NAXD: variants seen among roughly 807,000 people sequenced by gnomAD.
NAXD encodes the protein ATP-dependent (S)-NAD(P)H-hydrate dehydratase.
Under a neutral mutation model 35.8 loss-of-function variants are expected in NAXD, and 22 were observed. The ratio of observed to expected loss-of-function variants is 0.62; its 90% confidence interval spans 0.44 to 0.88. The LOEUF is 0.88. Ranked by LOEUF, NAXD falls within the 40% of genes least tolerant of loss-of-function variation. The pLI, the probability that NAXD is intolerant of heterozygous loss-of-function variation, is 0.00. For synonymous variants in NAXD, 189 were observed against 177.6 expected (o/e 1.06, Z -0.51); for missense variants, 428 against 437.7 (o/e 0.98, Z 0.20).
At position 110,627,563 on chromosome 13, in the gene NAXD, A is replaced by C; in HGVS notation, c.441+16A>C. 1.3e-6 allele frequency: 2 copies of C among 1,547,708 alleles called. No individual in the cohort carries two copies. The highest frequency in any genetic ancestry group is 8.9e-7 in the Non-Finnish European group (1 of 1,120,128). Reference sequence around the variant, plus strand: ...AAATGTCCAGGTAATGTGTATACTCACTCACTTCCCTCATGACAGGCTTAG... The same window carrying C: ...AAATGTCCAGGTAATGTGTATACTCCCTCACTTCCCTCATGACAGGCTTAG... On this transcript the variant is annotated intron_variant, in intron 5 of 9. Coordinates refer to ENST00000680254, the MANE Select transcript of NAXD (RefSeq NM_001242882.2).
intron 3 of NAXD, 100 bp downstream of exon 3, chr13:110,624,379 A>G: frequency 2.5e-6 from 2 of 789,004 alleles, no homozygotes; most frequent in Non-Finnish European, 2.2e-6. Flanking sequence ...AATCTAAATA[A>G]TATCTTAGGG....
intron 4 of NAXD, 34 bp from the exon 5 acceptor site, chr13:110,627,404 TG>T (rs1358983915): frequency 2.2e-6 from 3 of 1,388,442 alleles, no homozygotes; most frequent in Non-Finnish European, 3.1e-6. Context: ...TGAGGAATTG[TG>T]GGTAACCATC....
rs370194200 is a variant in NAXD at position 110,637,111 on chromosome 13, C to T, written c.719-18C>T. 87 of 1,590,640 alleles carry T rather than the reference C, an allele frequency of 5.5e-5. No individual in the cohort carries two copies. The highest frequency in any genetic ancestry group is 7.3e-5 in the Non-Finnish European group (86 of 1,171,690). On this transcript the variant is annotated intron_variant, in intron 8 of 9. Coordinates refer to ENST00000680254, the MANE Select transcript of NAXD (RefSeq NM_001242882.2). Reference sequence around the variant, plus strand: ...ACATGGCCATGCTGACACCTGCTCTCACTTCTGCCCTGTGCAGTGCTTGTG... The same window carrying T: ...ACATGGCCATGCTGACACCTGCTCTTACTTCTGCCCTGTGCAGTGCTTGTG...
chr13:110,634,656 T>C lies in NAXD; in HGVS notation c.493-16T>C. 5 of 1,613,858 alleles carry C rather than the reference T, an allele frequency of 3.1e-6. No homozygotes were observed. The highest frequency in any genetic ancestry group is 1.1e-5 in the South Asian group (1 of 91,076). On this transcript the variant is annotated splice_polypyrimidine_tract_variant and intron_variant, in intron 6 of 9. Coordinates refer to ENST00000680254, the MANE Select transcript of NAXD (RefSeq NM_001242882.2). ...GGAAGGCCTGTGCAGTGAGCACGGC[T>C]CCTTGTTCTGTGCAGGATGGCCTGT...
intron 5 of NAXD, among the ~76,000 whole-genome samples, chr13:110,629,442 C>T (rs1886624688): frequency 1.3e-5 from 2 of 152,214 alleles, no homozygotes; most frequent in South Asian, 4.1e-4. Flanking sequence ...AGAAGCAGCC[C>T]ATCCCCGTTA....
chr13:110,633,084 G>C (rs530537624), intron 5 of NAXD, among the ~76,000 whole-genome samples: 2 of 152,140 alleles, frequency 1.3e-5, no homozygotes, highest in African/African-American at 4.8e-5. Flanking sequence ...GCAGGGGGTG[G>C]TGCTCGTCGG....
In NAXD at chr13:110,628,075, T is replaced by C. The variant is rs1886562819; in HGVS notation, c.441+528T>C. Among the ~76,000 whole-genome samples the C allele has an allele frequency of 6.6e-6, 1 of 152,258 alleles. No homozygotes were observed. The highest frequency in any genetic ancestry group is 6.5e-5 in the Admixed American group (1 of 15,286). ...TATTTCTTTCTTAAAGTTCATCTTA[T>C]GCCCACCTAAATCCAAAAGATGAAA... On this transcript the variant is annotated intron_variant, in intron 5 of 9. Transcript: ENST00000680254. The surrounding 1 kb of genome is among the most constrained non-coding windows in gnomAD (Gnocchi z 4.1).
At chr13:110,633,288 T>C (rs1414673546) in intron 5 of NAXD, among the ~76,000 whole-genome samples, 1 of 152,142 alleles carries the variant, frequency 6.6e-6, no homozygotes, top group East Asian at 1.9e-4. Context: ...AAGTCCCTCA[T>C]TGCCCCGGGC....
At chr13:110,637,500 C>T (rs955620108) in intron 9 of NAXD, among the ~76,000 whole-genome samples, 2 of 152,098 alleles carry the variant, frequency 1.3e-5, no homozygotes, top group African/African-American at 4.8e-5. Flanking sequence ...CAGAGAGTTC[C>T]GAGGTGCAAC....
At chr13:110,626,082 C>T (rs1886470218) in intron 4 of NAXD, among the ~76,000 whole-genome samples, 1 of 152,076 alleles carries the variant, frequency 6.6e-6, no homozygotes, top group Non-Finnish European at 1.5e-5. Flanking sequence ...CCAAGAGGTG[C>T]AGGGCTGGGC....
At chr13:110,629,918 A>G (rs537908252) in intron 5 of NAXD, among the ~76,000 whole-genome samples, 2 of 152,232 alleles carry the variant, frequency 1.3e-5, no homozygotes, top group South Asian at 2.1e-4. Context: ...CAGCCACTCT[A>G]GTGGGCGTGG....
At chr13:110,615,761 G>T in intron 1 of NAXD, 114 bp downstream of exon 1, 1 of 1,422,882 alleles carries the variant, frequency 7.0e-7, no homozygotes. Context: ...TGTACGGGCC[G>T]CCACTGGACG....
intron 1 of NAXD, among the ~76,000 whole-genome samples, 163 bp from the exon 2 acceptor site, chr13:110,622,053 G>A (rs1312758560): frequency 6.6e-6 from 1 of 152,144 alleles, no homozygotes; most frequent in East Asian, 1.9e-4. Context: ...AAAATTGCAT[G>A]TGTTAATGTA....
intron 1 of NAXD, among the ~76,000 whole-genome samples, 167 bp from the exon 2 acceptor site, chr13:110,622,049 G>A (rs1886287468): frequency 6.6e-6 from 1 of 151,798 alleles, no homozygotes; most frequent in South Asian, 2.1e-4. Flanking sequence ...AAAAAAAATT[G>A]CATGTGTTAA....
In NAXD at chr13:110,628,080, A is replaced by AC. The variant is rs1886563217; in HGVS notation, c.441+535dup. On this transcript the variant is annotated intron_variant, in intron 5 of 9. Coordinates refer to ENST00000680254, the MANE Select transcript of NAXD (RefSeq NM_001242882.2). This position sits in a 1 kb window ranked among gnomAD's most constrained non-coding sequence, Gnocchi z 4.1. ...CTTTCTTAAAGTTCATCTTATGCCC[A>AC]CCTAAATCCAAAAGATGAAAGTTAT... Among the ~76,000 whole-genome samples the AC allele has an allele frequency of 6.6e-6, 1 of 152,300 alleles. No individual in the cohort carries two copies. Among genetic ancestry groups the AC allele is most frequent in the South Asian group, 2.1e-4 (1 of 4,828 alleles).
In NAXD at chr13:110,615,600, C is replaced by T; in HGVS notation, c.-2C>T. 1 of 1,401,966 alleles carries T rather than the reference C, an allele frequency of 7.1e-7. No individual in the cohort carries two copies. The highest frequency in any genetic ancestry group is 9.3e-7 in the Non-Finnish European group (1 of 1,078,650). 86.8% of individuals were successfully genotyped at this position (1,401,966 alleles called of 1,614,324 possible). A position where few individuals can be genotyped will look rare whatever the true frequency, so the allele number is the denominator to read the frequency against. On this transcript the variant is annotated 5_prime_UTR_variant, in exon 1 of 10. Coordinates refer to ENST00000680254, the MANE Select transcript of NAXD (RefSeq NM_001242882.2). ...GCAGCTGGGAATCCGGAATGCTGCC[C>T]GATGGCCCTGGGTCCTCGCTGTGGG... is the stretch of plus-strand genomic sequence containing the variant.
chr13:110,622,436 T>C, intron 2 of NAXD, 70 bp downstream of exon 2: 1 of 1,508,590 alleles, frequency 6.6e-7, no homozygotes, highest in Non-Finnish European at 9.2e-7. Flanking sequence ...CTGACTGTCA[T>C]TCACGCTGTC....
chr13:110,637,070 A>G, intron 8 of NAXD, 59 bp from the exon 9 acceptor site: 3 of 1,544,560 alleles, frequency 1.9e-6, no homozygotes, highest in Admixed American at 4.2e-5. Flanking sequence ...ACCCGTGGCT[A>G]CTGTCACATT....
chr13:110,627,998 C>T (rs1395737554), intron 5 of NAXD, among the ~76,000 whole-genome samples: 1 of 152,172 alleles, frequency 6.6e-6, no homozygotes, highest in African/African-American at 2.4e-5. Flanking sequence ...GTGACACGGG[C>T]CTGCTTGTCC....
Sources: allele counts gnomAD v4.1 joint callset (sites outside exome capture counted in the v4.1 genomes callset), GRCh38; gene constraint gnomAD v4.1.1; non-coding constraint Gnocchi (gnomAD v3.1); transcripts MANE v1.5; gene names NCBI Gene and HGNC (gene_info 2026-07-23, HGNC 2026-07-21).